INO80D: variants seen among roughly 807,000 people sequenced by gnomAD.
INO80D encodes the protein INO80 complex subunit D.
Under a neutral mutation model 87.6 loss-of-function variants are expected in INO80D, and 21 were observed. The ratio of observed to expected loss-of-function variants is 0.24; its 90% CI spans 0.17 to 0.35. The LOEUF (loss-of-function observed/expected upper bound fraction) is 0.35, where lower values mean the gene tolerates loss of function less well. INO80D is among the 10% of genes least tolerant of loss of function. The pLI is 1.00. For missense variants in INO80D, 982 were observed against 1,280.7 expected (o/e 0.77, Z 3.56); for synonymous variants, 440 against 491.0 (o/e 0.90, Z 1.37).
chr2:206,082,095 A>G (rs1194142140), intron 1 of INO80D, among the ~76,000 whole-genome samples: 1 of 152,198 alleles, frequency 6.6e-6, no homozygotes, highest in Non-Finnish European at 1.5e-5. Context: ...ATCCTGGCTC[A>G]CTGCAACCTC....
At chr2:206,075,026 C>T (rs901812183) in intron 1 of INO80D, among the ~76,000 whole-genome samples, 7 of 128,364 alleles carry the variant, frequency 5.5e-5, no homozygotes, top group African/African-American at 1.8e-4. Flanking sequence ...ATGACAAGAG[C>T]GAAACTCCAT....
rs1430139290 is a variant in INO80D at position 206,001,781 on chromosome 2, TTGA to T, written c.*2584_*2586del. On this transcript the variant is annotated 3_prime_UTR_variant, in exon 11 of 11. Coordinates refer to ENST00000403263, the MANE Select transcript of INO80D (RefSeq NM_017759.5). ...ATAAAATAAGAGGAAAAGTTTGTTG[TTGA>T]TAATTCCTCAACCACTTTCCTCAGC... 1 of 152,244 alleles carries T rather than the reference TTGA, an allele frequency of 6.6e-6. No homozygotes were observed. The highest frequency in any genetic ancestry group is 2.4e-5 in the African/African-American group (1 of 41,470). The allele number at this position is 152,244 out of a possible 1,614,324, so 9.4% of individuals were successfully genotyped here.
chr2:206,073,481 T>A (rs13013165), intron 1 of INO80D, among the ~76,000 whole-genome samples: 41,874 of 152,156 alleles, frequency 0.28, 6,760 homozygotes, highest in Non-Finnish European at 0.36. Context: ...CCCTGATATA[T>A]AAATACTATC....
intron 1 of INO80D, among the ~76,000 whole-genome samples, chr2:206,079,790 C>A (rs552329779): frequency 6.6e-6 from 1 of 152,284 alleles, no homozygotes; most frequent in East Asian, 1.9e-4. Context: ...CACAGAAACT[C>A]CTTAGGACCT....
At chr2:206,081,817 T>G (rs11683982) in intron 1 of INO80D, among the ~76,000 whole-genome samples, 41,309 of 151,034 alleles carry the variant, frequency 0.27, 6,486 homozygotes, top group African/African-American at 0.43. Context: ...CTAGTGGAAT[T>G]AACATTTAAT....
At position 205,997,600 on chromosome 2, in the gene INO80D, C is replaced by T. The variant is rs141683111; in HGVS notation, c.*6768G>A. Reference sequence around the variant, plus strand: ...CCATCACCACAATAGATAAACACAGCTCATGTCTGGGGCTGTCTGTCTCCC... The same window carrying T: ...CCATCACCACAATAGATAAACACAGTTCATGTCTGGGGCTGTCTGTCTCCC... On this transcript the variant is annotated 3_prime_UTR_variant, in exon 11 of 11. Coordinates refer to ENST00000403263, the MANE Select transcript of INO80D (RefSeq NM_017759.5). 35 of 152,210 alleles carry T rather than the reference C, an allele frequency of 2.3e-4. No homozygotes were observed. Among genetic ancestry groups the T allele is most frequent in the African/African-American group, 7.5e-4 (31 of 41,552 alleles). 9.4% of individuals were successfully genotyped at this position (152,210 alleles called of 1,614,324 possible).
chr2:206,048,150 C>A (rs4675584), intron 4 of INO80D, among the ~76,000 whole-genome samples: 28,712 of 152,132 alleles, frequency 0.19, 2,795 homozygotes, highest in Non-Finnish European at 0.2. Context: ...CCACCGTGCC[C>A]AGCCTCTTTC....
rs1201946163 is a variant in INO80D at position 206,028,057 on chromosome 2, TAAAG to T, written c.1298+50_1298+53del. On this transcript the variant is annotated intron_variant, in intron 6 of 10. Coordinates refer to ENST00000403263, the MANE Select transcript of INO80D (RefSeq NM_017759.5). ...GTGCCTCAACTATCCTCTCACAAAA[TAAAG>T]AAAGCAAACTGAGATGAGTCCCTTA... The T allele has an allele frequency of 3.9e-6, 5 of 1,281,116 alleles. No homozygotes were observed. In the Admixed American group the frequency reaches 7.4e-5, roughly 19 times the overall value. The allele number at this position is 1,281,116 out of a possible 1,614,324, so 79.4% of individuals were successfully genotyped here. A position where few individuals can be genotyped will look rare whatever the true frequency, so the allele number is the denominator to read the frequency against.
At chr2:206,025,629 T>C (rs964446236) in intron 6 of INO80D, 1 of 149,206 alleles carries the variant, frequency 6.7e-6, no homozygotes, top group African/African-American at 2.4e-5. Context: ...AAGTAATTTA[T>C]CACAACCAGT....
Position 205,996,114 on chromosome 2 carries a change from G to A in INO80D, c.*8254C>T, listed in dbSNP as rs1041040608. On this transcript the variant is annotated 3_prime_UTR_variant, in exon 11 of 11. Coordinates refer to ENST00000403263, the MANE Select transcript of INO80D (RefSeq NM_017759.5). ...ACTTTCAAATTTGTTTTATTTGAAG[G>A]TTGGCTTTCTGTTTGTTTTTGAGAC... 6 of 152,010 alleles carry A rather than the reference G, an allele frequency of 3.9e-5. No individual in the cohort carries two copies. The highest frequency in any genetic ancestry group is 7.4e-5 in the Non-Finnish European group (5 of 67,946). The allele number at this position is 152,010 out of a possible 1,614,324, so 9.4% of individuals were successfully genotyped here.
intron 3 of INO80D, among the ~76,000 whole-genome samples, chr2:206,058,337 C>T (rs557692311): frequency 3.4e-5 from 5 of 148,220 alleles, no homozygotes; most frequent in Admixed American, 1.3e-4. Context: ...GAGAATGGCG[C>T]GAACCCCGGA....
In INO80D at chr2:205,997,742, G is replaced by A; in HGVS notation, c.*6626C>T. The A allele has an allele frequency of 6.6e-6, 1 of 152,158 alleles. No homozygotes were observed. Among genetic ancestry groups the A allele is most frequent in the Non-Finnish European group, 1.5e-5 (1 of 68,000 alleles). 9.4% of individuals were successfully genotyped at this position (152,158 alleles called of 1,614,324 possible). The stretch of plus-strand genomic sequence containing the variant: ...CCAAAGGTTAACATAAAATGCACAT[G>A]ATATCAGAGCTAGCCTTTTAACATA... On this transcript the variant is annotated 3_prime_UTR_variant, in exon 11 of 11. Coordinates refer to ENST00000403263, the MANE Select transcript of INO80D (RefSeq NM_017759.5).
intron 5 of INO80D, among the ~76,000 whole-genome samples, chr2:206,044,379 A>G (rs1163311075): frequency 1.3e-5 from 2 of 151,938 alleles, no homozygotes; most frequent in Non-Finnish European, 2.9e-5. Flanking sequence ...CTGAATAAGT[A>G]AATGAACAAA....
rs1690436771 is a variant in INO80D, at chr2:206,085,656, G to A, written c.-124+245C>T. The A allele has an allele frequency of 6.9e-6, 1 of 144,710 alleles. No homozygotes were observed. Among genetic ancestry groups the A allele is most frequent in the Non-Finnish European group, 1.5e-5 (1 of 65,976 alleles). 9.0% of individuals were successfully genotyped at this position (144,710 alleles called of 1,614,324 possible). A position where few individuals can be genotyped will look rare whatever the true frequency, so the allele number is the denominator to read the frequency against. Reference sequence around the variant, plus strand: ...GCTCCGCTCGCCCCACTCCGGCTCCGGCTGGACCCCTGCCCGCCCGCCGTC... The same window carrying A: ...GCTCCGCTCGCCCCACTCCGGCTCCAGCTGGACCCCTGCCCGCCCGCCGTC... On this transcript the variant is annotated intron_variant, in intron 1 of 10. Transcript: ENST00000403263. This position sits in a 1 kb window ranked among gnomAD's most constrained non-coding sequence, Gnocchi z 4.5.
At chr2:206,039,921 G>A (rs1688998557) in intron 5 of INO80D, among the ~76,000 whole-genome samples, 2 of 151,764 alleles carry the variant, frequency 1.3e-5, no homozygotes, top group Admixed American at 6.6e-5. Context: ...TTCCTAGAGA[G>A]GCACAAGCTT....
intron 6 of INO80D, among the ~76,000 whole-genome samples, chr2:206,023,704 T>G (rs1226721818): frequency 6.8e-6 from 1 of 146,242 alleles, no homozygotes; most frequent in East Asian, 2.0e-4. Context: ...AAAAAAAAAG[T>G]TGCCAATCAC....
intron 1 of INO80D, among the ~76,000 whole-genome samples, chr2:206,073,636 C>T (rs1272126555): frequency 6.6e-6 from 1 of 152,086 alleles, no homozygotes; most frequent in African/African-American, 2.4e-5. Context: ...ACCTCAACCT[C>T]CCAAGGAGCT....
chr2:206,064,268 G>A (rs1211490023), intron 1 of INO80D, among the ~76,000 whole-genome samples: 1 of 152,106 alleles, frequency 6.6e-6, no homozygotes, highest in African/African-American at 2.4e-5. Flanking sequence ...CACGCAAAAG[G>A]CCCAGTGGTA....
Position 206,085,911 on chromosome 2 carries a change from CT to C in INO80D, c.-135del, listed in dbSNP as rs199740603. ...GCCGCCTCTGCTTACCTTTCAGCTG[CT>C]TTTTTTTTTCTCCTTCCCCCCTGTT... is the stretch of plus-strand genomic sequence containing the variant. On this transcript the variant is annotated 5_prime_UTR_variant, in exon 1 of 11. Transcript: ENST00000403263. The surrounding 1 kb of genome is among the most constrained non-coding windows in gnomAD (Gnocchi z 4.5). 1.0e-4 allele frequency: 15 copies of C among 149,262 alleles called. No individual in the cohort carries two copies. The highest frequency in any genetic ancestry group is 1.3e-4 in the Non-Finnish European group (9 of 67,196). The allele number at this position is 149,262 out of a possible 1,614,324, so 9.2% of individuals were successfully genotyped here.
Sources: allele counts gnomAD v4.1 joint callset (sites outside exome capture counted in the v4.1 genomes callset), GRCh38; gene constraint gnomAD v4.1.1; non-coding constraint Gnocchi (gnomAD v3.1); transcripts MANE v1.5; gene names NCBI Gene and HGNC (gene_info 2026-07-23, HGNC 2026-07-21).